Variants in CTNNA3 observed in about 807,000 individuals in gnomAD.
CTNNA3 encodes the protein catenin alpha 3, also known as catenin alpha-3.
In CTNNA3, 76 loss-of-function variants were observed where a neutral mutation model predicts 95.7. The ratio of observed to expected loss-of-function variants is 0.79; its 90% confidence interval spans 0.66 to 0.96. CTNNA3 has a LOEUF of 0.96. Ranked by LOEUF, CTNNA3 falls within the 40% of genes least tolerant of loss-of-function variation. CTNNA3 has a pLI of 0.00. For synonymous variants in CTNNA3, 431 were observed against 374.4 expected (o/e 1.15, Z -1.74); for missense variants, 1,191 against 1,089.8 (o/e 1.09, Z -1.31).
intron 13 of CTNNA3, among the ~76,000 whole-genome samples, chr10:66,184,939 T>A (rs1371430961): frequency 2.0e-5 from 3 of 152,308 alleles, no homozygotes; most frequent in East Asian, 3.9e-4. Context: ...AGAACAACAC[T>A]GTTATGCCAT....
chr10:66,074,186 A>T (rs908227651), intron 14 of CTNNA3, among the ~76,000 whole-genome samples: 6 of 151,688 alleles, frequency 4.0e-5, no homozygotes, highest in Admixed American at 1.3e-4. Flanking sequence ...TATTTTGTTT[A>T]TTCTCATTGC....
chr10:67,553,458 T>C (rs927060453), intron 3 of CTNNA3, among the ~76,000 whole-genome samples: 12 of 152,154 alleles, frequency 7.9e-5, no homozygotes, highest in African/African-American at 2.9e-4. Flanking sequence ...AAAGTCCTCT[T>C]AAAATGTTAC....
intron 14 of CTNNA3, among the ~76,000 whole-genome samples, chr10:66,099,334 G>C (rs974239044): frequency 5.3e-5 from 8 of 152,122 alleles, no homozygotes; most frequent in Non-Finnish European, 1.0e-4. Context: ...GTTACACTCA[G>C]TGCAATGGAT....
chr10:66,263,928 G>A (rs951342116), intron 13 of CTNNA3, among the ~76,000 whole-genome samples: 13 of 151,718 alleles, frequency 8.6e-5, no homozygotes, highest in African/African-American at 1.5e-4. Flanking sequence ...TGAGACAGCC[G>A]TTTCTCGGTT....
At chr10:67,376,113 T>C (rs77863391) in intron 5 of CTNNA3, among the ~76,000 whole-genome samples, 2,594 of 152,218 alleles carry the variant, frequency 0.017, 68 homozygotes, top group African/African-American at 0.059. Flanking sequence ...AAAAATAAAC[T>C]CCAGTTGTTT....
intron 17 of CTNNA3, among the ~76,000 whole-genome samples, chr10:65,964,427 G>A (rs945958689): frequency 3.9e-5 from 6 of 152,052 alleles, no homozygotes; most frequent in African/African-American, 1.4e-4. Context: ...TAATGACTCA[G>A]CTTTTAAATT....
intron 15 of CTNNA3, among the ~76,000 whole-genome samples, chr10:65,990,456 T>C (rs2078521402): frequency 6.6e-6 from 1 of 151,244 alleles, no homozygotes; most frequent in Non-Finnish European, 1.5e-5. Flanking sequence ...TTATTGTAGT[T>C]TTGGTTTGAG....
Position 67,536,999 on chromosome 10 carries a change from A to G in CTNNA3, c.459+2504T>C, listed in dbSNP as rs1332262242. Reference sequence around the variant, plus strand: ...CATGAGGATGAAACCATGAAAAACTATCACGATTTACCACAAAAGATGTTC... The same window carrying G: ...CATGAGGATGAAACCATGAAAAACTGTCACGATTTACCACAAAAGATGTTC... On this transcript the variant is annotated intron_variant, in intron 4 of 17. Coordinates refer to ENST00000433211, the MANE Select transcript of CTNNA3 (RefSeq NM_013266.4). Among the ~76,000 whole-genome samples the G allele has an allele frequency of 5.9e-5, 9 of 152,174 alleles. No individual in the cohort carries two copies. The East Asian group carries it at 1.7e-3, about 29-fold the overall frequency.
At position 66,421,178 on chromosome 10, in the gene CTNNA3, T is replaced by TCATATGCATATGTGGGAA. The variant is rs575505076; in HGVS notation, c.1532-41827_1532-41826insTTCCCACATATGCATATG. On this transcript the variant is annotated intron_variant, in intron 11 of 17. Transcript: ENST00000433211. ...CAGAAAGACAAATTATTGCATATTC[T>TCATATGCATATGTGGGAA]CATTCATATGTGGGAACTAAAAAGA... 3.5e-3 allele frequency among the ~76,000 whole-genome samples: 527 copies of TCATATGCATATGTGGGAA among 152,244 alleles called. 4 individuals carry two copies. The highest frequency in any genetic ancestry group is 0.012 in the African/African-American group (506 of 41,554).
At chr10:66,004,608 AG>A (rs1156479933) in intron 15 of CTNNA3, among the ~76,000 whole-genome samples, 3 of 152,166 alleles carry the variant, frequency 2.0e-5, no homozygotes. Context: ...TCTAGGTAGA[AG>A]TTCTTCTAAG....
At chr10:66,665,388 T>C (rs1846415770) in intron 9 of CTNNA3, among the ~76,000 whole-genome samples, 1 of 152,170 alleles carries the variant, frequency 6.6e-6, no homozygotes. Context: ...AAGCAACAAC[T>C]CTTTTGGTAT....
At chr10:66,524,701 C>A (rs1375659484) in intron 10 of CTNNA3, among the ~76,000 whole-genome samples, 2 of 151,968 alleles carry the variant, frequency 1.3e-5, no homozygotes. Context: ...GAAACTAGAG[C>A]CAAAGTGCAA....
chr10:66,283,210 C>A (rs1034536082), intron 12 of CTNNA3, among the ~76,000 whole-genome samples: 4 of 151,860 alleles, frequency 2.6e-5, no homozygotes, highest in African/African-American at 9.6e-5. Context: ...GGCTTCTAGC[C>A]TCTGTGATAT....
At chr10:66,679,838 GCAA>G (rs1217099853) in intron 9 of CTNNA3, among the ~76,000 whole-genome samples, 1 of 152,088 alleles carries the variant, frequency 6.6e-6, no homozygotes, top group African/African-American at 2.4e-5. Context: ...ACACTTTCAA[GCAA>G]CAATGCAAAG....
chr10:66,396,416 GA>G (rs1267359012), intron 11 of CTNNA3, among the ~76,000 whole-genome samples: 3 of 151,910 alleles, frequency 2.0e-5, no homozygotes, highest in African/African-American at 7.2e-5. Flanking sequence ...AAAAAGTATT[GA>G]AATAACTTAG....
chr10:66,956,626 A>T (rs1486809964), intron 7 of CTNNA3, among the ~76,000 whole-genome samples: 22 of 152,220 alleles, frequency 1.4e-4, no homozygotes, highest in Admixed American at 1.4e-3. Context: ...TAATGCTGTC[A>T]TTTCAGAGTG....
At chr10:66,199,787 ATATATATATATATATATATTTTTTTTTTT>A (rs1289063248) in intron 13 of CTNNA3, among the ~76,000 whole-genome samples, 4 of 12,244 alleles carry the variant, frequency 3.3e-4, no homozygotes, top group African/African-American at 1.4e-3. Flanking sequence ...ATATATATAT[ATATATATATATATATATATTTTTTTTTTT>A]TTTTTTTTTT....
chr10:67,717,189 T>C (rs1461184080), intron 1 of CTNNA3, among the ~76,000 whole-genome samples: 1 of 152,232 alleles, frequency 6.6e-6, no homozygotes, highest in Non-Finnish European at 1.5e-5. Context: ...GTAAATTTCT[T>C]TAAGTTCCTT....
At chr10:67,240,221 C>T (rs1015772300) in intron 5 of CTNNA3, among the ~76,000 whole-genome samples, 2 of 152,150 alleles carry the variant, frequency 1.3e-5, no homozygotes, top group Non-Finnish European at 2.9e-5. Context: ...AGCAGAAAAG[C>T]CCATGTATAC....
Sources: allele counts gnomAD v4.1 joint callset (sites outside exome capture counted in the v4.1 genomes callset), GRCh38; gene constraint gnomAD v4.1.1; transcripts MANE v1.5; gene names NCBI Gene and HGNC (gene_info 2026-07-23, HGNC 2026-07-21).